Variants in NBEA observed in about 807,000 individuals in gnomAD.
NBEA encodes the protein lysosomal-trafficking regulator 2.
In NBEA, 44 loss-of-function variants were observed where a neutral mutation model predicts 343.4. The ratio of observed to expected loss-of-function variants is 0.13; its 90% CI spans 0.10 to 0.16. The LOEUF is 0.16. Among genes scored for constraint, NBEA ranks in the 10% least tolerant of loss-of-function variants. The pLI, the probability that NBEA is intolerant of heterozygous loss-of-function variation, is 1.00. For synonymous variants in NBEA, 1,175 were observed against 1,238.7 expected, an observed-to-expected ratio of 0.95 and a Z score of 1.08; for missense variants, 2,555 against 3,631.3, an observed-to-expected ratio of 0.70 and a Z score of 7.62.
At chr13:34,947,784 C>G (rs2059231501) in intron 1 of NBEA, among the ~76,000 whole-genome samples, 1 of 152,164 alleles carries the variant, frequency 6.6e-6, no homozygotes, top group Non-Finnish European at 1.5e-5. Flanking sequence ...AAGTTATGTT[C>G]AACATTACGG....
chr13:35,300,499 A>T (rs2152825552), intron 35 of NBEA, among the ~76,000 whole-genome samples: 1 of 152,310 alleles, frequency 6.6e-6, no homozygotes, highest in African/African-American at 2.4e-5. Flanking sequence ...TCCATTTCAG[A>T]GGCAATGTTT....
At chr13:35,312,530 G>A (rs945402350) in intron 36 of NBEA, among the ~76,000 whole-genome samples, 3 of 152,162 alleles carry the variant, frequency 2.0e-5, no homozygotes, top group African/African-American at 7.2e-5. Flanking sequence ...CCATGAAACT[G>A]TGCAAAGAAT....
At chr13:35,069,191 G>A (rs1469606113) in intron 8 of NBEA, among the ~76,000 whole-genome samples, 1 of 152,074 alleles carries the variant, frequency 6.6e-6, no homozygotes, top group Non-Finnish European at 1.5e-5. Context: ...AGTTTTCATA[G>A]TTGTAAGTTG....
Position 35,256,806 on chromosome 13 carries a change from G to T in NBEA, c.5776+24187G>T, listed in dbSNP as rs2032654762. ...CTCTGCCCAGGAGTGGGTGCCAGGA[G>T]TAGGGGGAGCCCAGGCAGCGGGAGC... is the stretch of plus-strand genomic sequence containing the variant. On this transcript the variant is annotated intron_variant, in intron 34 of 58. Transcript: ENST00000379939. 2.0e-5 allele frequency among the ~76,000 whole-genome samples: 3 copies of T among 152,236 alleles called. No individual in the cohort carries two copies. In the South Asian group the frequency reaches 6.2e-4, roughly 32 times the overall value.
At chr13:35,010,745 T>A (rs1379682846) in intron 1 of NBEA, among the ~76,000 whole-genome samples, 2,038 of 18,056 alleles carry the variant, frequency 0.11, 230 homozygotes, top group East Asian at 0.38. Context: ...AAAAAAAATA[T>A]ATATATATAT....
chr13:35,316,626 T>C (rs914228492), intron 36 of NBEA, among the ~76,000 whole-genome samples: 3 of 152,170 alleles, frequency 2.0e-5, no homozygotes, highest in African/African-American at 4.8e-5. Flanking sequence ...ATATACCCAG[T>C]AATGGGATTG....
At chr13:35,210,981 T>C (rs908471377) in intron 32 of NBEA, 72 bp from the exon 33 acceptor site, 42 of 1,431,200 alleles carry the variant, frequency 2.9e-5, no homozygotes, top group Non-Finnish European at 3.7e-5. Flanking sequence ...CAAAATCAGA[T>C]AGTAATGGTG....
intron 38 of NBEA, among the ~76,000 whole-genome samples, chr13:35,397,161 A>C (rs1021775477): frequency 3.9e-5 from 6 of 152,156 alleles, no homozygotes; most frequent in Admixed American, 6.6e-5. Context: ...GTCCCTGCCT[A>C]CCTTTTAGAA....
chr13:35,021,885 A>AT (rs1228812594), intron 1 of NBEA, among the ~76,000 whole-genome samples: 1 of 152,004 alleles, frequency 6.6e-6, no homozygotes, highest in African/African-American at 2.4e-5. Context: ...AAACTGTGGA[A>AT]TTTTTTCTAA....
At chr13:35,281,675 T>C (rs1271865309) in intron 34 of NBEA, among the ~76,000 whole-genome samples, 1 of 152,094 alleles carries the variant, frequency 6.6e-6, no homozygotes, top group Non-Finnish European at 1.5e-5. Flanking sequence ...ATTATTTAAG[T>C]ATTTCAAAGA....
intron 41 of NBEA, among the ~76,000 whole-genome samples, chr13:35,482,245 T>G (rs949850205): frequency 6.6e-6 from 1 of 151,680 alleles, no homozygotes; most frequent in Admixed American, 6.6e-5. Flanking sequence ...TTTTATCATG[T>G]ATATTATGTG....
intron 35 of NBEA, among the ~76,000 whole-genome samples, chr13:35,303,489 A>T (rs1044896931): frequency 6.6e-6 from 1 of 152,232 alleles, no homozygotes; most frequent in Admixed American, 6.5e-5. Flanking sequence ...AATAAGACCA[A>T]GGAGTTTACA....
At chr13:35,329,083 G>A (rs1045760472) in intron 36 of NBEA, among the ~76,000 whole-genome samples, 4 of 151,844 alleles carry the variant, frequency 2.6e-5, no homozygotes, top group Non-Finnish European at 5.9e-5. Context: ...GCCAATCACT[G>A]TATGAAAAAA....
chr13:35,165,189 G>C, intron 24 of NBEA: 5 of 510,316 alleles, frequency 9.8e-6, no homozygotes, highest in South Asian at 7.3e-5. Context: ...GCTTTAGTTG[G>C]TGAGACACTG....
intron 1 of NBEA, among the ~76,000 whole-genome samples, chr13:34,977,567 C>A (rs1036727239): frequency 2.0e-5 from 3 of 152,144 alleles, no homozygotes; most frequent in African/African-American, 7.2e-5. Flanking sequence ...CCTCGGCCTC[C>A]CAAAATGCTG....
intron 1 of NBEA, among the ~76,000 whole-genome samples, chr13:35,023,846 T>C (rs1444039492): frequency 6.6e-6 from 1 of 152,124 alleles, no homozygotes; most frequent in African/African-American, 2.4e-5. Flanking sequence ...TATTTTAGGT[T>C]TGGGGGTGCA....
intron 38 of NBEA, among the ~76,000 whole-genome samples, chr13:35,394,954 C>G (rs1201689384): frequency 6.6e-6 from 1 of 152,096 alleles, no homozygotes; most frequent in African/African-American, 2.4e-5. Context: ...ATCTGTTTTA[C>G]TTCCTTTGTT....
intron 16 of NBEA, among the ~76,000 whole-genome samples, chr13:35,120,044 T>C (rs2152672290): frequency 6.6e-6 from 1 of 152,344 alleles, no homozygotes; most frequent in African/African-American, 2.4e-5. Flanking sequence ...TTAGTGTCCT[T>C]GTCCTTAGAT....
In NBEA at chr13:35,001,520, G is replaced by A. The variant is rs138369604; in HGVS notation, c.295-39413G>A. 4.4e-3 allele frequency among the ~76,000 whole-genome samples: 666 copies of A among 152,230 alleles called. 3 individuals carry two copies. Among genetic ancestry groups the A allele is most frequent in the Non-Finnish European group, 7.4e-3 (504 of 68,004 alleles). ...AACAAGTGGAATCCTGTCATTTGTAGCAACATGGATGGAATGGAGGTCATT... is the reference window on the plus strand; with the variant it reads ...AACAAGTGGAATCCTGTCATTTGTAACAACATGGATGGAATGGAGGTCATT... On this transcript the variant is annotated intron_variant, in intron 1 of 58. Coordinates refer to ENST00000379939, the MANE Select transcript of NBEA (RefSeq NM_001385012.1).
Sources: gnomAD v4.1 joint callset for allele counts (sites outside exome capture counted in the v4.1 genomes callset) on GRCh38, gnomAD v4.1.1 for gene constraint, MANE v1.5 for transcripts, NCBI Gene and HGNC (gene_info 2026-07-23, HGNC 2026-07-21) for gene names.